SCN11A: variants seen among roughly 807,000 people sequenced by gnomAD.
SCN11A encodes sodium voltage-gated channel alpha subunit 11.
SCN11A carries 122 observed loss-of-function variants against 162.2 expected under a neutral mutation model. The ratio of observed to expected loss-of-function variants is 0.75; its 90% CI spans 0.65 to 0.87. The LOEUF (loss-of-function observed/expected upper bound fraction) is 0.87, where lower values mean the gene tolerates loss of function less well. SCN11A is among the 40% of genes least tolerant of loss of function. The probability of loss-of-function intolerance (pLI) is 0.00; values close to 1 mark genes in which losing one functional copy is unlikely to be tolerated. For missense variants in SCN11A, 2,015 were observed against 2,181.6 expected (o/e 0.92, Z 1.52); for synonymous variants, 758 against 751.5 (o/e 1.01, Z -0.14).
Position 38,886,241 on chromosome 3 carries a change from AAC to A in SCN11A, c.2836-5_2836-4del. On this transcript the variant is annotated splice_region_variant and splice_polypyrimidine_tract_variant and intron_variant, in intron 19 of 29. Transcript: ENST00000302328. ...TTCTCCTGATGGAGCTCATAGGCCTAACACAGAGAGCCCAGAATAGAATTAAT... is the reference window on the plus strand; with the variant it reads ...TTCTCCTGATGGAGCTCATAGGCCTAACAGAGAGCCCAGAATAGAATTAAT... The A allele has an allele frequency of 6.3e-7, 1 of 1,590,872 alleles. No homozygotes were observed. The highest frequency in any genetic ancestry group is 1.1e-5 in the South Asian group (1 of 90,402).
intron 2 of SCN11A, among the ~76,000 whole-genome samples, chr3:39,029,225 T>TC (rs1209762317): frequency 6.6e-6 from 1 of 152,196 alleles, no homozygotes; most frequent in East Asian, 1.9e-4. Flanking sequence ...AGATGGTTTT[T>TC]CCACATCCTC....
intron 11 of SCN11A, 64 bp from the exon 12 acceptor site, chr3:38,910,271 C>A: frequency 6.6e-7 from 1 of 1,520,020 alleles, no homozygotes; most frequent in Non-Finnish European, 8.9e-7. Flanking sequence ...TTTTTCCTTC[C>A]AACGACTCTG....
Position 38,963,424 on chromosome 3 carries a change from GATAT to G in SCN11A, c.-279-3005_-279-3002del, listed in dbSNP as rs60520043. Reference sequence around the variant, plus strand: ...TATATATATATATATATATGATGGAGATATATATATATATATATATGATGGAGAT... The same window carrying G: ...TATATATATATATATATATGATGGAGATATATATATATATATGATGGAGAT... On this transcript the variant is annotated intron_variant, in intron 2 of 29. Coordinates refer to ENST00000302328, the MANE Select transcript of SCN11A (RefSeq NM_001349253.2). Among the ~76,000 whole-genome samples the G allele has an allele frequency of 1.8e-3, 108 of 61,434 alleles. 1 individual carries two copies. The highest frequency in any genetic ancestry group is 6.1e-3 in the African/African-American group (74 of 12,074). 40.3% of individuals were successfully genotyped at this position (61,434 alleles called of 152,430 possible).
intron 1 of SCN11A, among the ~76,000 whole-genome samples, chr3:39,033,368 A>C (rs946437088): frequency 1.4e-5 from 2 of 147,818 alleles, no homozygotes; most frequent in African/African-American, 5.1e-5. Flanking sequence ...TCCAGATGTT[A>C]AACTTTTTTC....
At chr3:38,947,030 G>A (rs2066528786) in intron 5 of SCN11A, 123 bp from the exon 6 acceptor site, 2 of 640,886 alleles carry the variant, frequency 3.1e-6, no homozygotes, top group Admixed American at 3.0e-5. Context: ...CTGTTGGGCT[G>A]TGGAATATTT....
chr3:38,978,831 C>T (rs2029884976), intron 2 of SCN11A, among the ~76,000 whole-genome samples: 1 of 152,150 alleles, frequency 6.6e-6, no homozygotes, highest in African/African-American at 2.4e-5. Flanking sequence ...CTCTGCCTTG[C>T]CCTTCCACAG....
chr3:38,944,684 C>T (rs193085878), intron 7 of SCN11A, among the ~76,000 whole-genome samples: 92 of 151,336 alleles, frequency 6.1e-4, no homozygotes, highest in Non-Finnish European at 7.8e-4. Flanking sequence ...AATAGGGCTG[C>T]GTGCAGTGGC....
At chr3:39,040,848 G>C (rs944819380) in intron 1 of SCN11A, among the ~76,000 whole-genome samples, 1 of 152,148 alleles carries the variant, frequency 6.6e-6, no homozygotes, top group East Asian at 1.9e-4. Flanking sequence ...GGAGGCCGAG[G>C]TGGGCGGATC....
At chr3:38,929,359 C>T (rs2066202981) in intron 7 of SCN11A, among the ~76,000 whole-genome samples, 1 of 152,162 alleles carries the variant, frequency 6.6e-6, no homozygotes, top group African/African-American at 2.4e-5. Flanking sequence ...AAGACAAATA[C>T]TGTGTGATCC....
intron 2 of SCN11A, among the ~76,000 whole-genome samples, chr3:39,014,880 A>G (rs1303223727): frequency 1.3e-5 from 2 of 152,224 alleles, no homozygotes; most frequent in Non-Finnish European, 2.9e-5. Flanking sequence ...TGGTCTCCCA[A>G]GGAAATGATA....
chr3:38,910,975 A>G (rs1348556281), intron 11 of SCN11A, among the ~76,000 whole-genome samples: 3 of 152,194 alleles, frequency 2.0e-5, no homozygotes, highest in Admixed American at 2.0e-4. Context: ...AATTACATGC[A>G]CCAAAAAGCT....
chr3:38,882,753 C>T (rs2065330696), intron 22 of SCN11A, among the ~76,000 whole-genome samples: 1 of 152,098 alleles, frequency 6.6e-6, no homozygotes, highest in Non-Finnish European at 1.5e-5. Flanking sequence ...TCTCCTTGTC[C>T]TTTCTTTCAA....
rs4289298 is a variant in SCN11A, at chr3:38,903,689, G to A, written c.1842+176C>T. ...AGGGCCAACTCAGGACACATGGACAGTTTCTGAAATGAACCGGGTAAAAGT... is the reference window on the plus strand; with the variant it reads ...AGGGCCAACTCAGGACACATGGACAATTTCTGAAATGAACCGGGTAAAAGT... On this transcript the variant is annotated intron_variant, in intron 16 of 29. Coordinates refer to ENST00000302328, the MANE Select transcript of SCN11A (RefSeq NM_001349253.2). Among the ~76,000 whole-genome samples the A allele has an allele frequency of 0.89, 134,886 of 152,160 alleles. 59,859 individuals carry two copies. Among genetic ancestry groups the A allele is most frequent in the South Asian group, 0.91 (4,401 of 4,814 alleles).
intron 2 of SCN11A, among the ~76,000 whole-genome samples, chr3:38,990,238 C>T (rs968582779): frequency 5.3e-5 from 8 of 152,104 alleles, no homozygotes; most frequent in African/African-American, 1.9e-4. Flanking sequence ...TCGACTTATC[C>T]GAGGTGCTGG....
At chr3:39,023,706 G>A (rs1442401574) in intron 2 of SCN11A, among the ~76,000 whole-genome samples, 2 of 151,042 alleles carry the variant, frequency 1.3e-5, no homozygotes, top group African/African-American at 4.9e-5. Flanking sequence ...GCAGTGGCAT[G>A]ATCTCGGCTC....
At chr3:38,899,853 AG>A (rs1376396861) in intron 17 of SCN11A, 40 bp downstream of exon 17, 2 of 1,545,496 alleles carry the variant, frequency 1.3e-6, no homozygotes, top group Admixed American at 1.8e-5. Context: ...TTTTCCACTT[AG>A]GCAGCTACGT....
intron 2 of SCN11A, among the ~76,000 whole-genome samples, chr3:38,991,932 C>T (rs1266627801): frequency 1.3e-5 from 2 of 152,160 alleles, no homozygotes; most frequent in African/African-American, 4.8e-5. Flanking sequence ...CCTCAGTTGC[C>T]TGAGTAGCTG....
intron 2 of SCN11A, among the ~76,000 whole-genome samples, chr3:39,001,816 C>T (rs1003289300): frequency 6.6e-6 from 1 of 152,100 alleles, no homozygotes; most frequent in Non-Finnish European, 1.5e-5. Context: ...GGGCGGATCA[C>T]GAGGTCAGGA....
intron 1 of SCN11A, among the ~76,000 whole-genome samples, chr3:39,047,320 T>C (rs1040643099): frequency 2.0e-5 from 3 of 151,682 alleles, no homozygotes; most frequent in Non-Finnish European, 4.4e-5. Context: ...ACTGACCCCC[T>C]ATATGAAAAG....
Sources: gnomAD v4.1 joint callset for allele counts (sites outside exome capture counted in the v4.1 genomes callset) on GRCh38, gnomAD v4.1.1 for gene constraint, MANE v1.5 for transcripts, NCBI Gene and HGNC (gene_info 2026-07-23, HGNC 2026-07-21) for gene names.